The following SQOR variants were observed in gnomAD, a reference collection of about 807,000 sequenced individuals.
SQOR encodes sulfide quinone oxidoreductase, also known as sulfide:quinone oxidoreductase, mitochondrial.
In SQOR, 39 loss-of-function variants were observed where a neutral mutation model predicts 48.6. The observed-to-expected ratio is 0.80, with a 90% confidence interval of 0.62 to 1.05. The LOEUF is 1.05. Among genes scored for constraint, SQOR ranks in the 50% least tolerant of loss-of-function variants. The pLI is 0.00. For missense variants in SQOR, 561 were observed against 559.9 expected (o/e 1.00, Z -0.02); for synonymous variants, 220 against 206.2 (o/e 1.07, Z -0.57).
chr15:45,680,635 C>T (rs530228933), intron 6 of SQOR, among the ~76,000 whole-genome samples: 6 of 151,322 alleles, frequency 4.0e-5, no homozygotes, highest in African/African-American at 9.7e-5. Flanking sequence ...AGGCTGGTCT[C>T]GAACTCCTGA....
At chr15:45,687,056 C>T (rs1194497573) in intron 7 of SQOR, among the ~76,000 whole-genome samples, 2 of 151,934 alleles carry the variant, frequency 1.3e-5, no homozygotes, top group African/African-American at 4.8e-5. Flanking sequence ...CACCTTGGTC[C>T]CCCAAAGTGC....
chr15:45,647,328 CTT>C (rs532535956), intron 1 of SQOR, among the ~76,000 whole-genome samples: 19 of 140,472 alleles, frequency 1.4e-4, no homozygotes, highest in Admixed American at 1.4e-4. Flanking sequence ...GCTACTTTAA[CTT>C]TTTTTTTTTT....
At chr15:45,643,921 G>T (rs529747278) in intron 1 of SQOR, among the ~76,000 whole-genome samples, 14 of 152,182 alleles carry the variant, frequency 9.2e-5, no homozygotes, top group African/African-American at 3.4e-4. Context: ...GGAAGGCCAC[G>T]TGCTGCTTCT....
At chr15:45,638,726 C>CA (rs1172455277) in intron 1 of SQOR, among the ~76,000 whole-genome samples, 4 of 142,072 alleles carry the variant, frequency 2.8e-5, no homozygotes, top group Non-Finnish European at 4.6e-5. Flanking sequence ...GACTCTGTCT[C>CA]AAAAAAAGAA....
intron 6 of SQOR, among the ~76,000 whole-genome samples, chr15:45,677,984 G>C (rs1488386372): frequency 6.6e-6 from 1 of 152,050 alleles, no homozygotes; most frequent in African/African-American, 2.4e-5. Context: ...TGGGATTACA[G>C]GCATGAGCCA....
At chr15:45,663,949 T>C (rs1432506665) in intron 3 of SQOR, among the ~76,000 whole-genome samples, 2 of 152,186 alleles carry the variant, frequency 1.3e-5, no homozygotes, top group African/African-American at 4.8e-5. Flanking sequence ...CAAATTCTTA[T>C]TGAACTGGAT....
chr15:45,676,208 C>T lies in SQOR; in HGVS notation c.762C>T (p.Asn254=), dbSNP rs760281694. 6.2e-7 allele frequency: 1 copy of T among 1,614,132 alleles called. No homozygotes were observed. The highest frequency in any genetic ancestry group is 2.2e-5 in the East Asian group (1 of 44,888). ...DALQEIIQER[N]LTVNYKKNLI... ...TGCAGGAGATCATCCAGGAGCGGAACCTCACTGTTAACTACAAGAAAAACC... is the reference window on the plus strand; with the variant it reads ...TGCAGGAGATCATCCAGGAGCGGAATCTCACTGTTAACTACAAGAAAAACC... Residue 254 remains asparagine, a synonymous_variant, in exon 6 of 10, where the codon AAC becomes AAT. Coordinates refer to ENST00000260324, the MANE Select transcript of SQOR (RefSeq NM_021199.4).
chr15:45,638,264 A>G (rs1315593869), intron 1 of SQOR, among the ~76,000 whole-genome samples: 1 of 152,224 alleles, frequency 6.6e-6, no homozygotes, highest in African/African-American at 2.4e-5. Flanking sequence ...TTGAAACCCT[A>G]GCCCCCAGGA....
intron 9 of SQOR, 91 bp downstream of exon 9, chr15:45,689,308 C>T (rs1461810709): frequency 8.5e-6 from 11 of 1,297,094 alleles, no homozygotes. Context: ...TCATTATTAG[C>T]AGTGACCAAG....
intron 3 of SQOR, among the ~76,000 whole-genome samples, chr15:45,667,329 G>A (rs1382344317): frequency 6.6e-6 from 1 of 151,724 alleles, no homozygotes; most frequent in Non-Finnish European, 1.5e-5. Flanking sequence ...AAATTACTAT[G>A]AAATGTCTAT....
At chr15:45,655,172 T>G (rs1595574399) in intron 1 of SQOR, among the ~76,000 whole-genome samples, 1 of 152,334 alleles carries the variant, frequency 6.6e-6, no homozygotes, top group Non-Finnish European at 1.5e-5. Context: ...TCTTAACTCT[T>G]GTATCACTTG....
chr15:45,680,932 G>A (rs553357676), intron 6 of SQOR, among the ~76,000 whole-genome samples: 1 of 152,106 alleles, frequency 6.6e-6, no homozygotes, highest in African/African-American at 2.4e-5. Context: ...TTCTAGGTCA[G>A]GTATGGTAGC....
intron 1 of SQOR, among the ~76,000 whole-genome samples, chr15:45,641,925 CACCCCTCATCTCTGTTCCCATTCAG>C (rs1304956587): frequency 1.3e-5 from 2 of 152,212 alleles, no homozygotes; most frequent in Admixed American, 1.3e-4. Context: ...CTCACATTCA[CACCCCTCATCTCTGTTCCCATTCAG>C]ACCCCACCCT....
intron 3 of SQOR, among the ~76,000 whole-genome samples, chr15:45,666,125 C>G (rs1889812454): frequency 6.6e-6 from 1 of 152,214 alleles, no homozygotes. Context: ...AATGCCTCAG[C>G]CTTTTTCTTA....
chr15:45,685,139 G>C (rs749100662), intron 7 of SQOR, among the ~76,000 whole-genome samples: 13 of 152,260 alleles, frequency 8.5e-5, no homozygotes, highest in Non-Finnish European at 1.3e-4. Context: ...ATTAAGAGGA[G>C]TGGCAAAAAC....
In SQOR at chr15:45,648,379, T is replaced by C. The variant is rs1889388827; in HGVS notation, c.-17-10528T>C. ...TTTTAGGAGAGACGGGGTTTCACCATATTGGCCAGGATGGTCTCCATCTCC... is the reference window on the plus strand; with the variant it reads ...TTTTAGGAGAGACGGGGTTTCACCACATTGGCCAGGATGGTCTCCATCTCC... On this transcript the variant is annotated intron_variant, in intron 1 of 9. Transcript: ENST00000260324. 2.0e-5 allele frequency among the ~76,000 whole-genome samples: 3 copies of C among 152,260 alleles called. No individual in the cohort carries two copies. In the South Asian group the frequency reaches 6.2e-4, roughly 32 times the overall value.
intron 2 of SQOR, 120 bp downstream of exon 2, chr15:45,659,277 GTT>G: frequency 1.3e-6 from 1 of 765,042 alleles, no homozygotes; most frequent in Non-Finnish European, 1.9e-6. Flanking sequence ...ATATGTTCAG[GTT>G]AGGGCTTCTC....
At chr15:45,679,155 G>A (rs918901883) in intron 6 of SQOR, among the ~76,000 whole-genome samples, 2 of 152,104 alleles carry the variant, frequency 1.3e-5, no homozygotes, top group African/African-American at 4.8e-5. Flanking sequence ...AGATATTTGT[G>A]TCCCCTTTGA....
chr15:45,687,326 G>A (rs528630428), intron 7 of SQOR, among the ~76,000 whole-genome samples: 1 of 152,258 alleles, frequency 6.6e-6, no homozygotes, highest in Admixed American at 6.5e-5. Context: ...TGGCCAGGCT[G>A]GTCTTGAACT....
Sources: allele counts gnomAD v4.1 joint callset (sites outside exome capture counted in the v4.1 genomes callset), GRCh38; gene constraint gnomAD v4.1.1; transcripts MANE v1.5; gene names NCBI Gene and HGNC (gene_info 2026-07-23, HGNC 2026-07-21).